Variants in STRBP observed in about 807,000 individuals in gnomAD.
STRBP encodes spermatid perinuclear RNA-binding protein.
Under a neutral mutation model 80.1 loss-of-function variants are expected in STRBP, and 13 were observed. The ratio of observed to expected loss-of-function variants is 0.16; its 90% CI spans 0.11 to 0.26. STRBP has a LOEUF of 0.26. STRBP is among the 10% of genes least tolerant of loss of function. The pLI, the probability that STRBP is intolerant of heterozygous loss-of-function variation, is 1.00. For missense variants in STRBP, 485 were observed against 815.2 expected (o/e 0.59, Z 4.93); for synonymous variants, 284 against 291.2 (o/e 0.98, Z 0.25).
At chr9:123,182,217 TAAAAA>T (rs10546358) in intron 3 of STRBP, among the ~76,000 whole-genome samples, 4 of 69,766 alleles carry the variant, frequency 5.7e-5, no homozygotes, top group African/African-American at 1.2e-4. Flanking sequence ...TCCGTTTCTT[TAAAAA>T]AAAAAAAAAA....
chr9:123,235,158 A>C (rs79342131), intron 2 of STRBP, among the ~76,000 whole-genome samples: 1,628 of 152,210 alleles, frequency 0.011, 7 homozygotes, highest in Admixed American at 0.016. Flanking sequence ...ATAAAGAGGC[A>C]ATGACAGAAT....
At chr9:123,127,074 C>T (rs1433873417) in intron 18 of STRBP, among the ~76,000 whole-genome samples, 1 of 152,178 alleles carries the variant, frequency 6.6e-6, no homozygotes, top group Non-Finnish European at 1.5e-5. Context: ...CTGCACTTTG[C>T]CTAAAAGAAA....
At chr9:123,167,790 A>C (rs2037832494) in intron 6 of STRBP, among the ~76,000 whole-genome samples, 1 of 152,186 alleles carries the variant, frequency 6.6e-6, no homozygotes, top group Non-Finnish European at 1.5e-5. Flanking sequence ...CCTTGAAGAG[A>C]GACTATGACT....
intron 2 of STRBP, among the ~76,000 whole-genome samples, chr9:123,185,582 T>C (rs1393813421): frequency 6.6e-6 from 1 of 152,136 alleles, no homozygotes; most frequent in African/African-American, 2.4e-5. Context: ...AAATGCTCCA[T>C]CTAAGTAACA....
At chr9:123,263,153 A>G (rs577659612) in intron 1 of STRBP, among the ~76,000 whole-genome samples, 1 of 152,354 alleles carries the variant, frequency 6.6e-6, no homozygotes, top group South Asian at 2.1e-4. Flanking sequence ...TAAAATGGGT[A>G]ACAGTGTCCA....
At chr9:123,129,263 G>A (rs1375116384) in intron 17 of STRBP, among the ~76,000 whole-genome samples, 1 of 152,078 alleles carries the variant, frequency 6.6e-6, no homozygotes, top group Non-Finnish European at 1.5e-5. Context: ...AGGCTGAGGT[G>A]GGAGGATCAC....
chr9:123,144,192 C>T (rs1302177339), intron 13 of STRBP, among the ~76,000 whole-genome samples: 7 of 135,880 alleles, frequency 5.2e-5, no homozygotes, highest in Admixed American at 7.2e-5. Flanking sequence ...ATCAAGACTC[C>T]GTCTCAAAAA....
At chr9:123,109,921 A>G (rs932280646) in intron 3 of STRBP, 1 of 152,246 alleles carries the variant, frequency 6.6e-6, no homozygotes, top group South Asian at 2.1e-4. Context: ...AGAAAAACAC[A>G]GTAAATAGAT....
At chr9:123,228,923 T>C (rs1040612413) in intron 2 of STRBP, among the ~76,000 whole-genome samples, 2 of 152,194 alleles carry the variant, frequency 1.3e-5, no homozygotes, top group Non-Finnish European at 2.9e-5. Context: ...ACAGCCAAAA[T>C]GTGGAACCAC....
At chr9:123,158,509 G>A in intron 9 of STRBP, 80 bp from the exon 10 acceptor site, 2 of 1,259,258 alleles carry the variant, frequency 1.6e-6, no homozygotes, top group Non-Finnish European at 2.3e-6. Flanking sequence ...GAGATGGCTG[G>A]GGAGAATGAA....
intron 3 of STRBP, 85 bp downstream of exon 3, chr9:123,184,047 C>G: frequency 7.3e-7 from 1 of 1,375,532 alleles, no homozygotes; most frequent in African/African-American, 1.4e-5. Flanking sequence ...CACTGTTTTT[C>G]ATTTGCCCTC....
chr9:123,222,110 C>T (rs560800609), intron 2 of STRBP, among the ~76,000 whole-genome samples: 54 of 152,102 alleles, frequency 3.6e-4, no homozygotes, highest in African/African-American at 1.1e-3. Context: ...TTTCTCTTCA[C>T]CTCCCTTCCT....
At chr9:123,209,732 A>G (rs2039643502) in intron 2 of STRBP, among the ~76,000 whole-genome samples, 1 of 152,246 alleles carries the variant, frequency 6.6e-6, no homozygotes, top group South Asian at 2.1e-4. Context: ...GGTATTTACC[A>G]TACAATGTTG....
At chr9:123,253,317 C>A (rs923851282) in intron 1 of STRBP, among the ~76,000 whole-genome samples, 11 of 152,086 alleles carry the variant, frequency 7.2e-5, no homozygotes, top group Non-Finnish European at 1.2e-4. Context: ...TTTGTTTTTC[C>A]TCCTGTGCAT....
At chr9:123,116,567 G>C (rs1464571123) in intron 2 of STRBP, among the ~76,000 whole-genome samples, 2 of 152,190 alleles carry the variant, frequency 1.3e-5, no homozygotes, top group Admixed American at 1.3e-4. Flanking sequence ...AGAAAGTCTG[G>C]ATTTTAGGAG....
intron 3 of STRBP, chr9:123,180,827 A>C (rs2038426590): frequency 1.4e-6 from 1 of 705,628 alleles, no homozygotes. Flanking sequence ...ATAAAGCCTA[A>C]AATATTCCAT....
At chr9:123,180,140 T>TA (rs2038393315) in intron 3 of STRBP, among the ~76,000 whole-genome samples, 1 of 152,052 alleles carries the variant, frequency 6.6e-6, no homozygotes, top group African/African-American at 2.4e-5. Flanking sequence ...CCTATAGTCC[T>TA]AGCCACTCAG....
At position 123,122,244 on chromosome 9, in the gene STRBP, T is replaced by C; in HGVS notation, c.*3353A>G. On this transcript the variant is annotated 3_prime_UTR_variant, in exon 19 of 19. Coordinates refer to ENST00000348403, the MANE Select transcript of STRBP (RefSeq NM_018387.5). ...AGTCACTATATCTCAGCCTATTTTA[T>C]ACAAGTGATATGGCTACGAAGGTCC... 2.2e-5 allele frequency: 23 copies of C among 1,052,414 alleles called. No homozygotes were observed. The South Asian group carries it at 3.1e-4, about 14-fold the overall frequency. The allele number at this position is 1,052,414 out of a possible 1,614,324, so 65.2% of individuals were successfully genotyped here.
chr9:123,236,088 A>G (rs938439486), intron 2 of STRBP, among the ~76,000 whole-genome samples: 1 of 152,218 alleles, frequency 6.6e-6, no homozygotes, highest in Non-Finnish European at 1.5e-5. Context: ...AATACTGAGG[A>G]ATGGTACCTT....
Sources: gnomAD v4.1 joint callset for allele counts (sites outside exome capture counted in the v4.1 genomes callset) on GRCh38, gnomAD v4.1.1 for gene constraint, MANE v1.5 for transcripts, NCBI Gene and HGNC (gene_info 2026-07-23, HGNC 2026-07-21) for gene names.